Variants in RHOU observed in about 807,000 individuals in gnomAD.
RHOU encodes ras homolog family member U.
In RHOU, 8 loss-of-function variants were observed where a neutral mutation model predicts 12.6. The ratio of observed to expected loss-of-function variants is 0.64; its 90% CI spans 0.37 to 1.15. The LOEUF is 1.15. Among genes scored for constraint, RHOU ranks in the 50% most tolerant of loss-of-function variants. The pLI is 0.01. For synonymous variants in RHOU, 161 were observed against 147.4 expected (o/e 1.09, Z -0.67); for missense variants, 258 against 347.0 (o/e 0.74, Z 2.04).
At chr1:228,650,278 A>C in the RHOU span, 1 of 463,316 alleles carries the variant, frequency 2.2e-6, no homozygotes, top group Non-Finnish European at 4.3e-6. Context: ...GCCAGTGTGC[A>C]AGATGCTCCG....
the RHOU span, among the ~76,000 whole-genome samples, chr1:228,727,928 G>A: frequency 9.9e-5 from 15 of 152,194 alleles, no homozygotes; most frequent in South Asian, 2.1e-4. Flanking sequence ...GCTGGGGAAC[G>A]TTTGGGAAAG....
At chr1:228,647,172 C>T in the RHOU span, among the ~76,000 whole-genome samples, 11 of 152,178 alleles carry the variant, frequency 7.2e-5, no homozygotes, top group Non-Finnish European at 1.2e-4. Context: ...GGCCAGGCGG[C>T]CCGTGCGAGA....
rs780664653 is a variant in RHOU at position 228,743,358 on chromosome 1, G to A, written c.395G>A (p.Ser132Asn). Residue 132 changes from serine to asparagine, a missense_variant, in exon 3 of 3, where the codon AGC (serine) becomes AAC (asparagine). Coordinates refer to ENST00000366691, the MANE Select transcript of RHOU (RefSeq NM_021205.6). This position sits in a 1 kb window ranked among gnomAD's most constrained non-coding sequence, Gnocchi z 5.1. ...DIFLLCFSVV[S>N]PSSFQNVSEK... The stretch of plus-strand genomic sequence containing the variant: ...TTCCTGCTCTGCTTCAGTGTCGTGA[G>A]CCCCTCATCCTTCCAGAACGTCAGT... The A allele has an allele frequency of 1.9e-6, 3 of 1,614,090 alleles. No homozygotes were observed. The highest frequency in any genetic ancestry group is 3.3e-4 in the Middle Eastern group (2 of 6,084).
the RHOU span, among the ~76,000 whole-genome samples, chr1:228,711,072 A>T: frequency 2.2e-4 from 34 of 152,164 alleles, no homozygotes; most frequent in East Asian, 6.2e-3. Flanking sequence ...CTTCAAAGAG[A>T]ATAAAATACC....
chr1:228,700,724 T>G, the RHOU span, among the ~76,000 whole-genome samples: 1 of 152,270 alleles, frequency 6.6e-6, no homozygotes, highest in East Asian at 1.9e-4. Flanking sequence ...AAATAATATA[T>G]TCATAAAAAT....
the RHOU span, among the ~76,000 whole-genome samples, chr1:228,695,030 C>T: frequency 0.18 from 26,938 of 152,008 alleles, 2,536 homozygotes; most frequent in South Asian, 0.25. Context: ...AGTGCAGTGG[C>T]GGGATCTCTG....
the RHOU span, among the ~76,000 whole-genome samples, chr1:228,675,969 C>T: frequency 6.6e-6 from 1 of 151,996 alleles, no homozygotes; most frequent in African/African-American, 2.4e-5. Flanking sequence ...GAGAAGAGGC[C>T]ATTACAAAAG....
chr1:228,731,358 C>T (rs1479378368), upstream of RHOU, among the ~76,000 whole-genome samples: 2 of 152,090 alleles, frequency 1.3e-5, no homozygotes, highest in South Asian at 2.1e-4. Context: ...ATAGGGCAAG[C>T]GTTAGTTCTG....
the RHOU span, among the ~76,000 whole-genome samples, chr1:228,665,664 G>T: frequency 6.6e-6 from 1 of 152,184 alleles, no homozygotes; most frequent in African/African-American, 2.4e-5. Flanking sequence ...CAGTTCTGAT[G>T]TCAGAGAGCA....
chr1:228,735,953 A>G lies in RHOU; in HGVS notation c.211A>G (p.Thr71Ala). The stretch of plus-strand genomic sequence containing the variant: ...GACGAGCCTGGTGGTGAGCTACACC[A>G]CCAACGGCTACCCCACCGAGTACAT... ...GKTSLVVSYTTNGYPTEYIPT... is the reference protein window; with the variant it reads ...GKTSLVVSYTANGYPTEYIPT... The change falls in exon 1 of 3, where the codon ACC (threonine) becomes GCC (alanine). Residue 71 changes from threonine to alanine, a missense_variant. Thr to Ala is a moderately conservative substitution (Grantham distance 58, BLOSUM62 0). Transcript: ENST00000366691. This position sits in a 1 kb window ranked among gnomAD's most constrained non-coding sequence, Gnocchi z 8.1. The G allele has an allele frequency of 1.3e-6, 2 of 1,581,612 alleles. No individual in the cohort carries two copies. Among genetic ancestry groups the G allele is most frequent in the Non-Finnish European group, 1.7e-6 (2 of 1,168,050 alleles).
the RHOU span, chr1:228,650,855 C>A: frequency 5.0e-6 from 2 of 398,652 alleles, no homozygotes; most frequent in South Asian, 4.2e-5. Context: ...GCTGAATGTC[C>A]CCTTGTGGAC....
the RHOU span, among the ~76,000 whole-genome samples, chr1:228,647,715 T>G: frequency 2.6e-5 from 4 of 152,166 alleles, no homozygotes; most frequent in Non-Finnish European, 5.9e-5. Flanking sequence ...TTCTGCTGGA[T>G]CCGGTTTCAT....
chr1:228,725,626 C>T, the RHOU span, among the ~76,000 whole-genome samples: 1 of 152,192 alleles, frequency 6.6e-6, no homozygotes, highest in East Asian at 1.9e-4. Context: ...TCTAGACAGG[C>T]CTTTCCATGG....
rs1392823508 is a variant in RHOU at position 228,744,139 on chromosome 1, A to G, written c.*399A>G. On this transcript the variant is annotated 3_prime_UTR_variant, in exon 3 of 3. Coordinates refer to ENST00000366691, the MANE Select transcript of RHOU (RefSeq NM_021205.6). ...ACCCTCTCTTGATTAAGGGCTACTT[A>G]ATGCACAGTGCATTATGTACACAGG... 5.4e-6 allele frequency: 1 copy of G among 183,770 alleles called. No homozygotes were observed. Among genetic ancestry groups the G allele is most frequent in the Non-Finnish European group, 1.2e-5 (1 of 86,932 alleles). 11.4% of individuals were successfully genotyped at this position (183,770 alleles called of 1,614,324 possible).
At chr1:228,700,841 C>T in the RHOU span, among the ~76,000 whole-genome samples, 2,291 of 152,190 alleles carry the variant, frequency 0.015, 19 homozygotes, top group East Asian at 0.028. Context: ...AATCCTAGCA[C>T]TTTGGGAGAC....
chr1:228,694,492 T>C, the RHOU span, among the ~76,000 whole-genome samples: 2 of 152,074 alleles, frequency 1.3e-5, no homozygotes, highest in Non-Finnish European at 2.9e-5. Flanking sequence ...CTCCCCTCAA[T>C]AGGCCCCAGC....
At chr1:228,646,659 G>A in the RHOU span, among the ~76,000 whole-genome samples, 1 of 147,258 alleles carries the variant, frequency 6.8e-6, no homozygotes, top group East Asian at 2.1e-4. Flanking sequence ...CACTAGAGGC[G>A]GCGGCCTGAT....
rs1662600188 is a variant in RHOU at position 228,735,992 on chromosome 1, G to C, written c.250G>C (p.Asp84His). Reference protein sequence around the residue: ...YPTEYIPTAFDNFSAVVSVDG... With the variant: ...YPTEYIPTAFHNFSAVVSVDG... ...CACCGAGTACATCCCTACTGCCTTC[G>C]ACAACTTCTCCGGTGAGCTGGCCGG... The change falls in exon 1 of 3, where the codon GAC becomes CAC. Residue 84 changes from aspartate (D) to histidine (H), a missense_variant. Asp to His is a moderately conservative substitution (Grantham distance 81). Coordinates refer to ENST00000366691, the MANE Select transcript of RHOU (RefSeq NM_021205.6). The surrounding 1 kb of genome is among the most constrained non-coding windows in gnomAD (Gnocchi z 8.1). 6.3e-7 allele frequency: 1 copy of C among 1,577,342 alleles called. No homozygotes were observed. Among genetic ancestry groups the C allele is most frequent in the Non-Finnish European group, 8.6e-7 (1 of 1,168,078 alleles).
chr1:228,712,828 T>TAAATAAATA, the RHOU span, among the ~76,000 whole-genome samples: 4 of 119,148 alleles, frequency 3.4e-5, no homozygotes, highest in South Asian at 2.4e-4. Context: ...AATAAATAAA[T>TAAATAAATA]AAATAAAATA....
Sources: allele counts gnomAD v4.1 joint callset (sites outside exome capture counted in the v4.1 genomes callset), GRCh38; gene constraint gnomAD v4.1.1; non-coding constraint Gnocchi (gnomAD v3.1); transcripts MANE v1.5; gene names NCBI Gene and HGNC (gene_info 2026-07-23, HGNC 2026-07-21).